KCNH7: variants seen among roughly 807,000 people sequenced by gnomAD.
KCNH7 encodes the protein voltage-gated inwardly rectifying potassium channel KCNH7.
KCNH7 carries 49 observed loss-of-function variants against 120.8 expected under a neutral mutation model. That is an observed-to-expected ratio of 0.41 (90% confidence interval 0.32 to 0.51). The LOEUF is 0.51. KCNH7 is among the 20% of genes least tolerant of loss of function. The pLI is 0.38. For missense variants in KCNH7, 1,097 were observed against 1,446.6 expected (o/e 0.76, Z 3.92); for synonymous variants, 547 against 516.1 (o/e 1.06, Z -0.81).
chr2:162,583,026 A>G (rs1693929059), intron 2 of KCNH7, among the ~76,000 whole-genome samples: 1 of 152,072 alleles, frequency 6.6e-6, no homozygotes, highest in Non-Finnish European at 1.5e-5. Flanking sequence ...ATCTACTTTT[A>G]GCATAAACAA....
chr2:162,380,342 G>T (rs1686373549), intron 13 of KCNH7, among the ~76,000 whole-genome samples: 1 of 152,162 alleles, frequency 6.6e-6, no homozygotes, highest in South Asian at 2.1e-4. Context: ...AGAGAACAAT[G>T]AGTCTGTGCT....
intron 6 of KCNH7, among the ~76,000 whole-genome samples, chr2:162,461,480 A>G (rs1324226871): frequency 1.3e-5 from 2 of 152,218 alleles, no homozygotes; most frequent in Non-Finnish European, 2.9e-5. Flanking sequence ...TTTTAGGGAT[A>G]TTTAACCAGA....
At chr2:162,523,150 C>A (rs1187342999) in intron 3 of KCNH7, among the ~76,000 whole-genome samples, 1 of 151,730 alleles carries the variant, frequency 6.6e-6, no homozygotes, top group Non-Finnish European at 1.5e-5. Context: ...TAGTTTTACC[C>A]AAGGTTTGGT....
chr2:162,541,988 T>C (rs910573634), intron 2 of KCNH7, among the ~76,000 whole-genome samples: 1 of 152,050 alleles, frequency 6.6e-6, no homozygotes, highest in Non-Finnish European at 1.5e-5. Context: ...GTTGGGGATA[T>C]AGCAAATTGT....
At chr2:162,377,609 T>G (rs964878161) in intron 14 of KCNH7, among the ~76,000 whole-genome samples, 9 of 152,158 alleles carry the variant, frequency 5.9e-5, no homozygotes, top group African/African-American at 2.2e-4. Context: ...TGTTTTGTGT[T>G]AGGTTACAGT....
At chr2:162,555,172 T>C (rs7586104) in intron 2 of KCNH7, among the ~76,000 whole-genome samples, 12,108 of 152,230 alleles carry the variant, frequency 0.08, 1,643 homozygotes, top group African/African-American at 0.27. Context: ...CATAGAAAGC[T>C]TGATATTTTT....
intron 2 of KCNH7, among the ~76,000 whole-genome samples, chr2:162,761,423 A>T (rs576647513): frequency 2.0e-5 from 3 of 152,252 alleles, no homozygotes; most frequent in Middle Eastern, 3.4e-3. Context: ...CAAGTTGTTC[A>T]AGTTGTTTTC....
intron 11 of KCNH7, 122 bp downstream of exon 11, chr2:162,396,618 A>T (rs1686918621): frequency 1.0e-5 from 7 of 701,418 alleles, no homozygotes; most frequent in African/African-American, 3.6e-5. Context: ...TTTCCTTCCA[A>T]ATATTCAGAA....
At chr2:162,769,607 C>A (rs1423712675) in intron 2 of KCNH7, among the ~76,000 whole-genome samples, 1 of 151,920 alleles carries the variant, frequency 6.6e-6, no homozygotes, top group African/African-American at 2.4e-5. Flanking sequence ...AACAGACCAC[C>A]TACCAACTGA....
intron 8 of KCNH7, among the ~76,000 whole-genome samples, chr2:162,430,984 T>C (rs1032242224): frequency 2.6e-5 from 4 of 152,036 alleles, no homozygotes; most frequent in Non-Finnish European, 5.9e-5. Context: ...CAGTCTTCCT[T>C]TTTTATTTTG....
At chr2:162,609,143 G>A (rs1193766811) in intron 2 of KCNH7, among the ~76,000 whole-genome samples, 1 of 152,126 alleles carries the variant, frequency 6.6e-6, no homozygotes, top group Admixed American at 6.5e-5. Context: ...TCTCCTATGG[G>A]ATGTGGTTGG....
intron 2 of KCNH7, among the ~76,000 whole-genome samples, chr2:162,781,546 T>A (rs897159212): frequency 5.3e-5 from 8 of 151,978 alleles, no homozygotes; most frequent in African/African-American, 1.9e-4. Context: ...AAAATTAGAT[T>A]GAAAGTTGAA....
At position 162,523,129 on chromosome 2, in the gene KCNH7, G is replaced by T. The variant is rs185980396; in HGVS notation, c.464-4971C>A. Among the ~76,000 whole-genome samples the T allele has an allele frequency of 3.6e-4, 55 of 151,900 alleles. 1 individual carries two copies. The highest frequency in any genetic ancestry group is 1.2e-3 in the African/African-American group (49 of 41,532). ...AGGTTAGCACAAAACAGCAGTTTCC[G>T]TGATTAATTTTAGTTTTACCCAAGG... is the stretch of plus-strand genomic sequence containing the variant. On this transcript the variant is annotated intron_variant, in intron 3 of 15. Coordinates refer to ENST00000332142, the MANE Select transcript of KCNH7 (RefSeq NM_033272.4).
At chr2:162,798,706 A>G (rs1039333810) in intron 2 of KCNH7, among the ~76,000 whole-genome samples, 10 of 152,034 alleles carry the variant, frequency 6.6e-5, no homozygotes, top group African/African-American at 2.4e-4. Flanking sequence ...TTTTTAAAAT[A>G]TTGCCTTAAA....
chr2:162,604,023 TTTGA>T (rs1251018626), intron 2 of KCNH7, among the ~76,000 whole-genome samples: 2 of 152,234 alleles, frequency 1.3e-5, no homozygotes, highest in East Asian at 3.9e-4. Context: ...TTAATTGCTC[TTTGA>T]TTGACATAAA....
At chr2:162,750,944 AT>A (rs1688517683) in intron 2 of KCNH7, among the ~76,000 whole-genome samples, 1 of 152,186 alleles carries the variant, frequency 6.6e-6, no homozygotes, top group African/African-American at 2.4e-5. Context: ...CAGTTTTAAA[AT>A]TTAACTGGCT....
At chr2:162,761,926 A>T (rs149145387) in intron 2 of KCNH7, among the ~76,000 whole-genome samples, 114 of 152,218 alleles carry the variant, frequency 7.5e-4, no homozygotes, top group African/African-American at 2.6e-3. Context: ...TCTCCTAATA[A>T]GTCTCAACTT....
At chr2:162,490,811 T>G (rs1690275997) in intron 6 of KCNH7, among the ~76,000 whole-genome samples, 1 of 152,310 alleles carries the variant, frequency 6.6e-6, no homozygotes, top group African/African-American at 2.4e-5. Flanking sequence ...TTAAATGATG[T>G]TAAGGGTGCT....
intron 6 of KCNH7, among the ~76,000 whole-genome samples, chr2:162,497,427 G>A (rs1217418999): frequency 6.6e-6 from 1 of 152,094 alleles, no homozygotes; most frequent in Non-Finnish European, 1.5e-5. Context: ...AAGAGACCGT[G>A]CTGGAAATGA....
Sources: gnomAD v4.1 joint callset for allele counts (sites outside exome capture counted in the v4.1 genomes callset) on GRCh38, gnomAD v4.1.1 for gene constraint, MANE v1.5 for transcripts, NCBI Gene and HGNC (gene_info 2026-07-23, HGNC 2026-07-21) for gene names.